The following SPATA32 variants were observed in gnomAD, a reference collection of about 807,000 sequenced individuals.
The protein encoded by SPATA32 is spermatogenesis associated 32, also known as spermatogenesis-associated protein 32.
A neutral mutation model predicts 35.4 loss-of-function variants in SPATA32; 28 were observed. The observed-to-expected ratio is 0.79, with a 90% CI of 0.59 to 1.09. The LOEUF is 1.09. Ranked by LOEUF, SPATA32 falls within the 50% of genes least tolerant of loss-of-function variation. SPATA32 has a pLI of 0.00. For synonymous variants in SPATA32, 168 were observed against 196.3 expected (o/e 0.86, Z 1.20); for missense variants, 409 against 475.9 (o/e 0.86, Z 1.31).
rs1040327877 is a variant in SPATA32 at position 45,255,665 on chromosome 17, G to A, written c.517C>T (p.Arg173Trp). 11 of 1,613,914 alleles carry A rather than the reference G, an allele frequency of 6.8e-6. No individual in the cohort carries two copies. The highest frequency in any genetic ancestry group is 6.7e-5 in the African/African-American group (5 of 74,926). ...LIQASEHSLQ[R>W]AINMQLNNGS... ...TTGTTGAGCTGCATGTTGATGGCCC[G>A]CTGCAGGCTGTGCTCTGAGGCCTGG... Residue 173 changes from arginine to tryptophan, a missense_variant, in exon 4 of 5, where the codon CGG becomes TGG. Transcript: ENST00000331780. This position sits in a 1 kb window ranked among gnomAD's most constrained non-coding sequence, Gnocchi z 5.4.
In SPATA32 at chr17:45,255,554, G is replaced by A; in HGVS notation, c.628C>T (p.Pro210Ser). ...ALCSEEQLQIPDAHSAPPTTS... is the reference protein window; with the variant it reads ...ALCSEEQLQISDAHSAPPTTS... ...GTTGGAGGAGCTGAGTGGGCATCAGGGATCTGGAGCTGCTCCTCGGAGCAC... is the reference window on the plus strand; with the variant it reads ...GTTGGAGGAGCTGAGTGGGCATCAGAGATCTGGAGCTGCTCCTCGGAGCAC... Residue 210 changes from proline (P) to serine (S), a missense_variant, in exon 4 of 5, where the codon CCT (proline) becomes TCT (serine). Physicochemically the swap from Pro to Ser is moderately conservative, Grantham distance 74. Coordinates refer to ENST00000331780, the MANE Select transcript of SPATA32 (RefSeq NM_152343.3). The surrounding 1 kb of genome is among the most constrained non-coding windows in gnomAD (Gnocchi z 5.4). 1 of 1,614,096 alleles carries A rather than the reference G, an allele frequency of 6.2e-7. No individual in the cohort carries two copies. The highest frequency in any genetic ancestry group is 1.1e-5 in the South Asian group (1 of 91,082).
chr17:45,261,781 A>G, intron 1 of SPATA32: 1 of 421,438 alleles, frequency 2.4e-6, no homozygotes, highest in Non-Finnish European at 4.0e-6. Flanking sequence ...CCGTGAGAGC[A>G]CATGGGTGTG....
chr17:45,255,674 T>G lies in SPATA32; in HGVS notation c.508A>C (p.Ser170Arg). 1 of 1,614,106 alleles carries G rather than the reference T, an allele frequency of 6.2e-7. No individual in the cohort carries two copies. The highest frequency in any genetic ancestry group is 8.5e-7 in the Non-Finnish European group (1 of 1,180,038). ...TGCATGTTGATGGCCCGCTGCAGGC[T>G]GTGCTCTGAGGCCTGGATGAGCTTG... ...ANKLIQASEH[S>R]LQRAINMQLN... The change falls in exon 4 of 5, where the codon AGC (serine) becomes CGC (arginine). Residue 170 changes from serine to arginine, a missense_variant. By Grantham distance (110) the Ser-to-Arg change is moderately radical. Transcript: ENST00000331780. This position sits in a 1 kb window ranked among gnomAD's most constrained non-coding sequence, Gnocchi z 5.4.
Position 45,256,237 on chromosome 17 carries a change from G to A in SPATA32, c.108+139C>T, listed in dbSNP as rs1373213543. 2.5e-6 allele frequency: 3 copies of A among 1,202,650 alleles called. No homozygotes were observed. The highest frequency in any genetic ancestry group is 1.8e-5 in the Admixed American group (1 of 56,826). The allele number at this position is 1,202,650 out of a possible 1,614,324, so 74.5% of individuals were successfully genotyped here. A position where few individuals can be genotyped will look rare whatever the true frequency, so the allele number is the denominator to read the frequency against. On this transcript the variant is annotated intron_variant, in intron 3 of 4. Transcript: ENST00000331780. The surrounding 1 kb of genome is among the most constrained non-coding windows in gnomAD (Gnocchi z 4.7). Reference sequence around the variant, plus strand: ...TCCTCTCAGAGACCTGCCCGGTGAGGGGGTGTGTGTGTGGGTGTACCCACA... The same window carrying A: ...TCCTCTCAGAGACCTGCCCGGTGAGAGGGTGTGTGTGTGGGTGTACCCACA...
chr17:45,257,692 C>T (rs1374936055), intron 1 of SPATA32, among the ~76,000 whole-genome samples: 6 of 152,148 alleles, frequency 3.9e-5, no homozygotes, highest in East Asian at 1.9e-4. Flanking sequence ...GTCCCAATAA[C>T]GCCCCATGTG....
Position 45,255,849 on chromosome 17 carries a change from G to A in SPATA32, c.333C>T (p.Ser111=), listed in dbSNP as rs148278717. ...EPMQLVCKIE[S]VHSNMGLPTP... Reference sequence around the variant, plus strand: ...TGGGCAGCCCCATGTTGGAGTGGACGGACTCTATCTTGCATACCAGCTGCA... The same window carrying A: ...TGGGCAGCCCCATGTTGGAGTGGACAGACTCTATCTTGCATACCAGCTGCA... The change falls in exon 4 of 5, where the codon TCC becomes TCT. Residue 111 remains serine (S), a synonymous_variant. Transcript: ENST00000331780. This position sits in a 1 kb window ranked among gnomAD's most constrained non-coding sequence, Gnocchi z 5.4. The A allele has an allele frequency of 4.2e-5, 67 of 1,614,016 alleles. No homozygotes were observed. Among genetic ancestry groups the A allele is most frequent in the Non-Finnish European group, 5.0e-5 (59 of 1,180,014 alleles).
At position 45,255,012 on chromosome 17, in the gene SPATA32, G is replaced by T; in HGVS notation, c.1067+103C>A. ...CACAGCCCACCACATCCTGCTCCCAGGCCCTCATTCCACTGTTCCCCACCC... is the reference window on the plus strand; with the variant it reads ...CACAGCCCACCACATCCTGCTCCCATGCCCTCATTCCACTGTTCCCCACCC... On this transcript the variant is annotated intron_variant, in intron 4 of 4. Coordinates refer to ENST00000331780, the MANE Select transcript of SPATA32 (RefSeq NM_152343.3). This position sits in a 1 kb window ranked among gnomAD's most constrained non-coding sequence, Gnocchi z 5.4. 8.9e-7 allele frequency: 1 copy of T among 1,117,914 alleles called. No individual in the cohort carries two copies. The highest frequency in any genetic ancestry group is 1.6e-5 in the African/African-American group (1 of 64,142). 69.2% of individuals were successfully genotyped at this position (1,117,914 alleles called of 1,614,324 possible).
chr17:45,255,793 T>A lies in SPATA32; in HGVS notation c.389A>T (p.Asn130Ile). ...CTCCGTGAAACTCCGGCAGTTTGAATTCAGACTCCACGGTCTGAAGGTCTG... is the reference window on the plus strand; with the variant it reads ...CTCCGTGAAACTCCGGCAGTTTGAAATCAGACTCCACGGTCTGAAGGTCTG... ...TPQTFRPWSLNSNCRSFTEEN... is the reference protein window; with the variant it reads ...TPQTFRPWSLISNCRSFTEEN... Residue 130 changes from asparagine (N) to isoleucine (I), a missense_variant, in exon 4 of 5, where the codon AAT becomes ATT. By Grantham distance (149) the Asn-to-Ile change is moderately radical. Transcript: ENST00000331780. The surrounding 1 kb of genome is among the most constrained non-coding windows in gnomAD (Gnocchi z 5.4). The A allele has an allele frequency of 6.2e-7, 1 of 1,614,044 alleles. No individual in the cohort carries two copies. Among genetic ancestry groups the A allele is most frequent in the Non-Finnish European group, 8.5e-7 (1 of 1,179,936 alleles).
Position 45,256,422 on chromosome 17 carries a change from C to G in SPATA32, c.69-7G>C, listed in dbSNP as rs758800327. ...GTGTTGACTTAAGTCATCTCTAAGA[C>G]AGAAGAAGACAGAGTGGGTGATGGG... On this transcript the variant is annotated splice_region_variant and splice_polypyrimidine_tract_variant and intron_variant, in intron 2 of 4. Transcript: ENST00000331780. The surrounding 1 kb of genome is among the most constrained non-coding windows in gnomAD (Gnocchi z 4.7). The G allele has an allele frequency of 4.5e-4, 193 of 428,348 alleles. No homozygotes were observed. Among genetic ancestry groups the G allele is most frequent in the Non-Finnish European group, 6.6e-4 (183 of 277,482 alleles). 26.5% of individuals were successfully genotyped at this position (428,348 alleles called of 1,614,324 possible). A position where few individuals can be genotyped will look rare whatever the true frequency, so the allele number is the denominator to read the frequency against.
At chr17:45,257,072 G>T in intron 2 of SPATA32, 81 bp downstream of exon 2, 1 of 1,466,876 alleles carries the variant, frequency 6.8e-7, no homozygotes, top group Non-Finnish European at 9.4e-7. Flanking sequence ...ATCCTAGGCT[G>T]GGGGATCCTA....
intron 1 of SPATA32, chr17:45,260,220 G>C (rs2043993272): frequency 6.6e-6 from 1 of 152,072 alleles, no homozygotes; most frequent in African/African-American, 2.4e-5. Flanking sequence ...ACAGGCGTGA[G>C]CCACCATGCC....
intron 1 of SPATA32, among the ~76,000 whole-genome samples, chr17:45,259,447 C>T (rs1056771725): frequency 2.0e-5 from 3 of 152,016 alleles, no homozygotes; most frequent in Admixed American, 6.6e-5. Context: ...ACATAACATA[C>T]GTTATAATAC....
chr17:45,257,229 G>A (rs568979512), intron 1 of SPATA32, 22 bp from the exon 2 acceptor site: 2 of 1,601,530 alleles, frequency 1.2e-6, no homozygotes, highest in South Asian at 1.1e-5. Context: ...AAGGAGGTGA[G>A]GGCAGGGAGC....
At chr17:45,261,480 A>G (rs150229876) in intron 1 of SPATA32, among the ~76,000 whole-genome samples, 34 of 152,266 alleles carry the variant, frequency 2.2e-4, no homozygotes, top group African/African-American at 7.9e-4. Context: ...TGACGCCCCT[A>G]TGGGAAGGGG....
chr17:45,257,015 T>C, intron 2 of SPATA32, 138 bp downstream of exon 2: 3 of 966,662 alleles, frequency 3.1e-6, no homozygotes, highest in Non-Finnish European at 4.7e-6. Context: ...CCTTTTGGCC[T>C]GGACACTGGC....
rs748792252 is a variant in SPATA32, at chr17:45,255,993, TTCTGGGTCTGGG to T, written c.177_188del (p.Asp59_Pro62del). ...AAGCCGGCACCTGTCCGATCTCCAG[TTCTGGGTCTGGG>T]TCTGGGTCTGGGTCCAGGTCCAGGT... On this transcript the variant is annotated inframe_deletion, in exon 4 of 5. Transcript: ENST00000331780. This position sits in a 1 kb window ranked among gnomAD's most constrained non-coding sequence, Gnocchi z 5.4. 13 of 1,613,918 alleles carry T rather than the reference TTCTGGGTCTGGG, an allele frequency of 8.1e-6. No homozygotes were observed. The highest frequency in any genetic ancestry group is 5.3e-5 in the African/African-American group (4 of 74,904).
intron 4 of SPATA32, among the ~76,000 whole-genome samples, chr17:45,254,846 G>T (rs1662790425): frequency 6.6e-6 from 1 of 152,204 alleles, no homozygotes; most frequent in Non-Finnish European, 1.5e-5. Context: ...TGCCAGTGTG[G>T]TCCTTCCCAT....
At chr17:45,259,717 T>C (rs1051771178) in intron 1 of SPATA32, among the ~76,000 whole-genome samples, 1 of 152,012 alleles carries the variant, frequency 6.6e-6, no homozygotes, top group Non-Finnish European at 1.5e-5. Flanking sequence ...ATGGGTCTTG[T>C]TATATTGCCC....
intron 4 of SPATA32, 31 bp from the exon 5 acceptor site, chr17:45,254,544 G>GC: frequency 6.2e-7 from 1 of 1,609,048 alleles, no homozygotes; most frequent in Middle Eastern, 1.7e-4. Flanking sequence ...TGTCACTTGG[G>GC]CCCCAGAGGG....
Sources: allele counts gnomAD v4.1 joint callset (sites outside exome capture counted in the v4.1 genomes callset), GRCh38; gene constraint gnomAD v4.1.1; non-coding constraint Gnocchi (gnomAD v3.1); transcripts MANE v1.5; gene names NCBI Gene and HGNC (gene_info 2026-07-23, HGNC 2026-07-21).